The following KLRF1 variants were observed in gnomAD, a reference collection of about 807,000 sequenced individuals.
KLRF1 encodes the protein killer cell lectin-like receptor subfamily F member 1.
KLRF1 carries 27 observed loss-of-function variants against 30.7 expected under a neutral mutation model. That is an observed-to-expected ratio of 0.88 (90% CI 0.65 to 1.21). The LOEUF is 1.21. Among genes scored for constraint, KLRF1 ranks in the 50% most tolerant of loss-of-function variants. The probability of loss-of-function intolerance (pLI) is 0.00; values close to 1 mark genes in which losing one functional copy is unlikely to be tolerated. For synonymous variants in KLRF1, 92 were observed against 89.3 expected (o/e 1.03, Z -0.17); for missense variants, 246 against 259.3 (o/e 0.95, Z 0.35).
chr12:9,815,822 A>C, the KLRF1 span, among the ~76,000 whole-genome samples: 1 of 151,866 alleles, frequency 6.6e-6, no homozygotes, highest in Non-Finnish European at 1.5e-5. Flanking sequence ...TCCTCTTCTT[A>C]TTCTTCTTCT....
the KLRF1 span, among the ~76,000 whole-genome samples, chr12:9,819,795 C>A: frequency 6.6e-6 from 1 of 152,290 alleles, no homozygotes; most frequent in Non-Finnish European, 1.5e-5. Context: ...AGAAAAGTGG[C>A]CAGATTGCCT....
At chr12:9,820,365 C>T in the KLRF1 span, among the ~76,000 whole-genome samples, 1 of 152,226 alleles carries the variant, frequency 6.6e-6, no homozygotes, top group Non-Finnish European at 1.5e-5. Context: ...TTACCTTGAT[C>T]CCGTATCTCC....
rs747454613 is a variant in KLRF1 at position 9,828,219 on chromosome 12, A to G, written c.85+590A>G. Reference sequence around the variant, plus strand: ...CTCAGCCTCCTGAGTAGCTGAGATTATAGGTGCCCGCCACCATGCCTGGCT... The same window carrying G: ...CTCAGCCTCCTGAGTAGCTGAGATTGTAGGTGCCCGCCACCATGCCTGGCT... On this transcript the variant is annotated intron_variant, in intron 1 of 5. Coordinates refer to ENST00000617889, the MANE Select transcript of KLRF1 (RefSeq NM_016523.3). 2.3e-3 allele frequency among the ~76,000 whole-genome samples: 343 copies of G among 151,980 alleles called. 1 individual carries two copies. The highest frequency in any genetic ancestry group is 7.9e-3 in the African/African-American group (329 of 41,442).
chr12:9,834,504 G>T (rs1867526449), intron 3 of KLRF1, among the ~76,000 whole-genome samples: 2 of 152,092 alleles, frequency 1.3e-5, no homozygotes, highest in Non-Finnish European at 2.9e-5. Context: ...CCTAGAGTGG[G>T]AGAGGTCAAC....
At chr12:9,808,852 A>G in the KLRF1 span, among the ~76,000 whole-genome samples, 9 of 152,150 alleles carry the variant, frequency 5.9e-5, no homozygotes, top group Non-Finnish European at 1.3e-4. Flanking sequence ...CATGTATATG[A>G]TTTTCACTGA....
chr12:9,823,706 T>A (rs1353403155), upstream of KLRF1, among the ~76,000 whole-genome samples: 2 of 149,388 alleles, frequency 1.3e-5, no homozygotes, highest in South Asian at 4.2e-4. Flanking sequence ...CAGGGGTTGG[T>A]TTTTTGGAAA....
chr12:9,817,081 C>CTGAA, the KLRF1 span, among the ~76,000 whole-genome samples: 1 of 152,112 alleles, frequency 6.6e-6, no homozygotes, highest in Non-Finnish European at 1.5e-5. Context: ...AACTATTGAG[C>CTGAA]TGAAGTAAGA....
the KLRF1 span, among the ~76,000 whole-genome samples, chr12:9,803,232 T>C: frequency 4.6e-5 from 7 of 152,232 alleles, no homozygotes; most frequent in East Asian, 5.8e-4. Context: ...ATTTAATAAA[T>C]GGTGCTGGGA....
At chr12:9,809,526 A>G in the KLRF1 span, among the ~76,000 whole-genome samples, 1 of 152,158 alleles carries the variant, frequency 6.6e-6, no homozygotes, top group African/African-American at 2.4e-5. Context: ...CAGAATCAGG[A>G]AAAGGGCTGC....
At chr12:9,817,522 G>A in the KLRF1 span, 2 of 377,880 alleles carry the variant, frequency 5.3e-6, no homozygotes, top group South Asian at 4.7e-5. Flanking sequence ...GACTTTTCAA[G>A]GTCAAGCAAG....
At chr12:9,819,638 A>T in the KLRF1 span, among the ~76,000 whole-genome samples, 1 of 152,182 alleles carries the variant, frequency 6.6e-6, no homozygotes, top group Non-Finnish European at 1.5e-5. Context: ...AGCTGGCAAC[A>T]GGTCTGTACC....
In KLRF1 at chr12:9,844,432, G is replaced by C; in HGVS notation, c.602G>C (p.Gly201Ala). ...PIDSKIFFIK[G>A]PAKENSCAAI... Reference sequence around the variant, plus strand: ...CTCTTCCCTAGATTCTTCATAAAGGGACCAGCTAAAGAAAACAGCTGTGCT... The same window carrying C: ...CTCTTCCCTAGATTCTTCATAAAGGCACCAGCTAAAGAAAACAGCTGTGCT... The change falls in exon 6 of 6, where the codon GGA becomes GCA. Residue 201 changes from glycine (G) to alanine (A), a missense_variant. Coordinates refer to ENST00000617889, the MANE Select transcript of KLRF1 (RefSeq NM_016523.3). 6.3e-7 allele frequency: 1 copy of C among 1,592,850 alleles called. No homozygotes were observed. Among genetic ancestry groups the C allele is most frequent in the Non-Finnish European group, 8.6e-7 (1 of 1,161,572 alleles).
chr12:9,839,383 A>G (rs982247251), intron 3 of KLRF1, among the ~76,000 whole-genome samples: 1 of 152,076 alleles, frequency 6.6e-6, no homozygotes, highest in Admixed American at 6.6e-5. Flanking sequence ...GGGGTATGCA[A>G]ACATTCAGTT....
At position 9,833,354 on chromosome 12, in the gene KLRF1, C is replaced by G. The variant is rs1432447471; in HGVS notation, c.236C>G (p.Thr79Ser). 6.2e-7 allele frequency: 1 copy of G among 1,608,510 alleles called. No individual in the cohort carries two copies. The highest frequency in any genetic ancestry group is 1.3e-5 in the African/African-American group (1 of 74,512). ...KCQKGSCSNA[T>S]QYEDTGDLKV... ...CAAAAAGGAAGTTGTTCAAATGCCA[C>G]TCAGTATGAGGACACTGGAGATCTA... The change falls in exon 3 of 6, where the codon ACT becomes AGT. Residue 79 changes from threonine to serine, a missense_variant. Thr to Ser is a moderately conservative substitution (Grantham distance 58, BLOSUM62 1). Transcript: ENST00000617889.
intron 3 of KLRF1, among the ~76,000 whole-genome samples, chr12:9,840,802 C>T (rs1242436418): frequency 1.3e-5 from 2 of 151,920 alleles, no homozygotes; most frequent in African/African-American, 2.4e-5. Context: ...CAAAGAATAA[C>T]GTGCTGGTGA....
At chr12:9,805,479 T>C in the KLRF1 span, among the ~76,000 whole-genome samples, 1 of 152,046 alleles carries the variant, frequency 6.6e-6, no homozygotes, top group African/African-American at 2.4e-5. Context: ...GTCCCACCTT[T>C]TAATACTATT....
intron 1 of KLRF1, among the ~76,000 whole-genome samples, chr12:9,829,381 T>G (rs1366053104): frequency 6.6e-6 from 1 of 152,216 alleles, no homozygotes; most frequent in Non-Finnish European, 1.5e-5. Context: ...CTTTTCTTCA[T>G]TTTTTATGGA....
chr12:9,844,256 A>G (rs371593470), intron 5 of KLRF1, among the ~76,000 whole-genome samples, 162 bp from the exon 6 acceptor site: 3 of 152,180 alleles, frequency 2.0e-5, no homozygotes, highest in Non-Finnish European at 4.4e-5. Flanking sequence ...CACAGCTAAC[A>G]AGGCTAAGTT....
At chr12:9,825,174 G>A (rs1340892294), upstream of KLRF1, among the ~76,000 whole-genome samples, 1 of 149,624 alleles carries the variant, frequency 6.7e-6, no homozygotes, top group East Asian at 2.0e-4. Flanking sequence ...GCAATCCTAA[G>A]CAAAAAGAAC....
Sources: gnomAD v4.1 joint callset for allele counts (sites outside exome capture counted in the v4.1 genomes callset) on GRCh38, gnomAD v4.1.1 for gene constraint, MANE v1.5 for transcripts, NCBI Gene and HGNC (gene_info 2026-07-23, HGNC 2026-07-21) for gene names.